NECTIN1: variants seen among roughly 807,000 people sequenced by gnomAD.
NECTIN1 encodes the protein nectin-1.
A neutral mutation model predicts 48.0 loss-of-function variants in NECTIN1; 23 were observed. The observed-to-expected ratio is 0.48, with a 90% CI of 0.34 to 0.68. NECTIN1 has a LOEUF of 0.68. Ranked by LOEUF, NECTIN1 falls within the 30% of genes least tolerant of loss-of-function variation. The pLI is 0.01. For synonymous variants in NECTIN1, 270 were observed against 288.9 expected, an observed-to-expected ratio of 0.93 and a Z score of 0.66; for missense variants, 591 against 709.9, an observed-to-expected ratio of 0.83 and a Z score of 1.90.
In NECTIN1 at chr11:119,684,914, G is replaced by A. The variant is rs1397696811; in HGVS notation, c.80-6149C>T. Among the ~76,000 whole-genome samples the A allele has an allele frequency of 1.3e-5, 2 of 152,180 alleles. No individual in the cohort carries two copies. Among genetic ancestry groups the A allele is most frequent in the Non-Finnish European group, 2.9e-5 (2 of 68,030 alleles). On this transcript the variant is annotated intron_variant, in intron 1 of 5. Transcript: ENST00000264025. The surrounding 1 kb of genome is among the most constrained non-coding windows in gnomAD (Gnocchi z 5.2). ...CCTGTCTCATTTCCCCATTAGTCCAGGAGATTCACGGGTGCCCAGGCTGCC... is the reference window on the plus strand; with the variant it reads ...CCTGTCTCATTTCCCCATTAGTCCAAGAGATTCACGGGTGCCCAGGCTGCC...
intron 5 of NECTIN1, among the ~76,000 whole-genome samples, chr11:119,649,591 G>A (rs577315452): frequency 2.6e-5 from 4 of 152,028 alleles, no homozygotes; most frequent in Non-Finnish European, 4.4e-5. Flanking sequence ...TTGGGAGGCC[G>A]AGACAGGAGA....
In NECTIN1 at chr11:119,643,479, G is replaced by A. The variant is rs542801671; in HGVS notation, c.1004-3467C>T. Among the ~76,000 whole-genome samples the A allele has an allele frequency of 3.9e-5, 6 of 152,312 alleles. No homozygotes were observed. The South Asian group carries it at 1.0e-3, about 26-fold the overall frequency. On this transcript the variant is annotated intron_variant, in intron 5 of 7. Transcript: ENST00000341398. ...AGGGCACTGGGATCTGCGCCTGTGTGCTGTTCTCCCTGCCTCAGGCTGTGG... is the reference window on the plus strand; with the variant it reads ...AGGGCACTGGGATCTGCGCCTGTGTACTGTTCTCCCTGCCTCAGGCTGTGG...
Position 119,665,482 on chromosome 11 carries a change from G to A in NECTIN1, c.1004-185C>T, listed in dbSNP as rs1010576886. 6.6e-5 allele frequency among the ~76,000 whole-genome samples: 10 copies of A among 152,154 alleles called. No individual in the cohort carries two copies. Among genetic ancestry groups the A allele is most frequent in the African/African-American group, 9.7e-5 (4 of 41,424 alleles). ...TCCTGGAGCCCTAACATGCCGCAGCGTTGGTAGCTGGAGTGAGAGACAGGC... is the reference window on the plus strand; with the variant it reads ...TCCTGGAGCCCTAACATGCCGCAGCATTGGTAGCTGGAGTGAGAGACAGGC... On this transcript the variant is annotated intron_variant, in intron 5 of 5. Transcript: ENST00000264025. This position sits in a 1 kb window ranked among gnomAD's most constrained non-coding sequence, Gnocchi z 5.1.
chr11:119,716,678 G>A (rs1410563354), intron 1 of NECTIN1, among the ~76,000 whole-genome samples: 2 of 152,306 alleles, frequency 1.3e-5, no homozygotes, highest in South Asian at 2.1e-4. Flanking sequence ...GCGGCTGGGG[G>A]GCAGTGTAGA....
intron 1 of NECTIN1, among the ~76,000 whole-genome samples, chr11:119,720,045 G>C (rs1478707253): frequency 4.6e-5 from 7 of 152,300 alleles, no homozygotes; most frequent in Middle Eastern, 3.4e-3. Context: ...AGGGCAGTGG[G>C]GGACCAGTTA....
At chr11:119,724,849 A>G (rs1865886029) in intron 1 of NECTIN1, among the ~76,000 whole-genome samples, 1 of 152,216 alleles carries the variant, frequency 6.6e-6, no homozygotes, top group Non-Finnish European at 1.5e-5. Context: ...ACTGTCAGAA[A>G]TGTCACAGCT....
In NECTIN1 at chr11:119,662,702, A is replaced by C; in HGVS notation, c.*2045T>G. 1 of 985,484 alleles carries C rather than the reference A, an allele frequency of 1.0e-6. No homozygotes were observed. Among genetic ancestry groups the C allele is most frequent in the Non-Finnish European group, 1.2e-6 (1 of 829,932 alleles). The allele number at this position is 985,484 out of a possible 1,614,324, so 61.0% of individuals were successfully genotyped here. ...GTAAGGTGGGATGGGGCAGTGATGT[A>C]ATGTGGAAAAGGTCCCCTGTCCTGG... On this transcript the variant is annotated 3_prime_UTR_variant, in exon 6 of 6. Transcript: ENST00000264025. The surrounding 1 kb of genome is among the most constrained non-coding windows in gnomAD (Gnocchi z 5.3).
Position 119,662,265 on chromosome 11 carries a change from G to A in NECTIN1, c.*2482C>T. ...GCTGGCTGTGTCTGTGGGCCCAGCA[G>A]TAGTGCCCACCTTCCCACAAACTTG... On this transcript the variant is annotated 3_prime_UTR_variant, in exon 6 of 6. Transcript: ENST00000264025. This position sits in a 1 kb window ranked among gnomAD's most constrained non-coding sequence, Gnocchi z 5.3. 1 of 985,678 alleles carries A rather than the reference G, an allele frequency of 1.0e-6. No individual in the cohort carries two copies. The highest frequency in any genetic ancestry group is 1.2e-6 in the Non-Finnish European group (1 of 829,942). The allele number at this position is 985,678 out of a possible 1,614,324, so 61.1% of individuals were successfully genotyped here. A position where few individuals can be genotyped will look rare whatever the true frequency, so the allele number is the denominator to read the frequency against.
chr11:119,651,426 T>C (rs2135532250), intron 5 of NECTIN1, among the ~76,000 whole-genome samples: 1 of 152,122 alleles, frequency 6.6e-6, no homozygotes, highest in Non-Finnish European at 1.5e-5. Flanking sequence ...GCCCCAGTCT[T>C]TCTTGGGGGG....
intron 5 of NECTIN1, among the ~76,000 whole-genome samples, chr11:119,646,851 T>C (rs1864401890): frequency 6.6e-6 from 1 of 152,264 alleles, no homozygotes; most frequent in African/African-American, 2.4e-5. Context: ...CGTTTTCGTC[T>C]GTGAAATGAA....
chr11:119,668,503 C>A (rs1591451411), intron 5 of NECTIN1, among the ~76,000 whole-genome samples: 1 of 152,296 alleles, frequency 6.6e-6, no homozygotes, highest in South Asian at 2.1e-4. Context: ...TCCTTGTTAT[C>A]CAAGTTGATT....
Position 119,677,851 on chromosome 11 carries a change from G to T in NECTIN1, c.437C>A (p.Pro146His), listed in dbSNP as rs1819155595. 6.2e-7 allele frequency: 1 copy of T among 1,613,910 alleles called. No homozygotes were observed. Among genetic ancestry groups the T allele is most frequent in the Non-Finnish European group, 8.5e-7 (1 of 1,179,980 alleles). ...SQLNLTVMAK[P>H]TNWIEGTQAV... ...CTGGGTACCCTCTATCCAATTGGTG[G>T]GTTTGGCTGCGAGGAAGCAGAGAGA... is the stretch of plus-strand genomic sequence containing the variant. Residue 146 changes from proline to histidine, a missense_variant, in exon 3 of 6, where the codon CCC becomes CAC. Physicochemically the swap from Pro to His is moderately conservative, Grantham distance 77 (BLOSUM62 -2). Transcript: ENST00000264025. This position sits in a 1 kb window ranked among gnomAD's most constrained non-coding sequence, Gnocchi z 5.4.
chr11:119,638,353 C>T (rs1395233088), intron 7 of NECTIN1: 13 of 1,387,504 alleles, frequency 9.4e-6, no homozygotes, highest in African/African-American at 4.3e-5. Flanking sequence ...CCCATGCACC[C>T]CCATTCTGGC....
Position 119,663,491 on chromosome 11 carries a change from C to G in NECTIN1, c.*1256G>C. ...AGGAGGTGGCCTAGCGGCCCCACCC[C>G]CCTCACTTTCTGCCAGGCCCGAGGC... On this transcript the variant is annotated 3_prime_UTR_variant, in exon 6 of 6. Transcript: ENST00000264025. 1 of 985,544 alleles carries G rather than the reference C, an allele frequency of 1.0e-6. No individual in the cohort carries two copies. The highest frequency in any genetic ancestry group is 1.2e-6 in the Non-Finnish European group (1 of 830,002). The allele number at this position is 985,544 out of a possible 1,614,324, so 61.0% of individuals were successfully genotyped here.
chr11:119,662,763 C>T lies in NECTIN1; in HGVS notation c.*1984G>A, dbSNP rs1864689647. On this transcript the variant is annotated 3_prime_UTR_variant, in exon 6 of 6. Coordinates refer to ENST00000264025, the MANE Select transcript of NECTIN1 (RefSeq NM_002855.5). The surrounding 1 kb of genome is among the most constrained non-coding windows in gnomAD (Gnocchi z 5.3). Reference sequence around the variant, plus strand: ...TACTGCTGGGAAAAGCAGCCCAGCTCCTCCACCTCCCTCTGCCCTGTGGCT... The same window carrying T: ...TACTGCTGGGAAAAGCAGCCCAGCTTCTCCACCTCCCTCTGCCCTGTGGCT... 4 of 986,496 alleles carry T rather than the reference C, an allele frequency of 4.1e-6. No individual in the cohort carries two copies. Among genetic ancestry groups the T allele is most frequent in the African/African-American group, 1.7e-5 (1 of 57,316 alleles). 61.1% of individuals were successfully genotyped at this position (986,496 alleles called of 1,614,324 possible).
intron 6 of NECTIN1, chr11:119,639,702 G>T: frequency 2.3e-6 from 2 of 883,888 alleles, no homozygotes; most frequent in South Asian, 1.5e-5. Flanking sequence ...ACTCAGGAGG[G>T]TCAGCTCTTC....
chr11:119,642,215 G>A (rs992879035), intron 5 of NECTIN1: 5 of 152,154 alleles, frequency 3.3e-5, no homozygotes, highest in Non-Finnish European at 7.3e-5. Flanking sequence ...CTTCCACTAG[G>A]GGGAGCTCTC....
intron 1 of NECTIN1, among the ~76,000 whole-genome samples, chr11:119,679,299 C>T (rs1041697009): frequency 8.5e-5 from 13 of 152,218 alleles, no homozygotes; most frequent in African/African-American, 1.9e-4. Flanking sequence ...AAACAAATGG[C>T]GTGATGGACG....
At chr11:119,705,033 C>A (rs1380117531) in intron 1 of NECTIN1, among the ~76,000 whole-genome samples, 4 of 152,198 alleles carry the variant, frequency 2.6e-5, no homozygotes, top group African/African-American at 7.2e-5. Flanking sequence ...GGTGAGAGAA[C>A]TGTGTAGATG....
Sources: gnomAD v4.1 joint callset for allele counts (sites outside exome capture counted in the v4.1 genomes callset) on GRCh38, gnomAD v4.1.1 for gene constraint, Gnocchi (gnomAD v3.1) non-coding constraint, MANE v1.5 for transcripts, NCBI Gene and HGNC (gene_info 2026-07-23, HGNC 2026-07-21) for gene names.